The following ZNF469 variants were observed in gnomAD, a reference collection of about 807,000 sequenced individuals.
The protein encoded by ZNF469 is zinc finger protein 469.
ZNF469 carries 1 observed loss-of-function variant against 1.0 expected under a neutral mutation model. The observed-to-expected ratio is 1.00, with a 90% confidence interval of 0.35 to 4.73. The LOEUF is 4.73. Among genes scored for constraint, ZNF469 ranks in the 30% most tolerant of loss-of-function variants. ZNF469 has a pLI of 0.16. For missense variants in ZNF469, 6,100 were observed against 5,356.3 expected, an observed-to-expected ratio of 1.14 and a Z score of -4.33; for synonymous variants, 2,703 against 2,363.4, an observed-to-expected ratio of 1.14 and a Z score of -4.17.
chr16:88,134,511 C>T, the ZNF469 span, among the ~76,000 whole-genome samples: 1 of 152,244 alleles, frequency 6.6e-6, no homozygotes, highest in African/African-American at 2.4e-5. Flanking sequence ...TGCATGTCTC[C>T]ACTTATCCAT....
chr16:88,222,963 A>G, the ZNF469 span, among the ~76,000 whole-genome samples: 1 of 152,332 alleles, frequency 6.6e-6, no homozygotes, highest in East Asian at 1.9e-4. Context: ...GTTCCATGCT[A>G]GAGGAAGTCA....
At chr16:88,313,323 T>C in the ZNF469 span, among the ~76,000 whole-genome samples, 2 of 152,258 alleles carry the variant, frequency 1.3e-5, no homozygotes, top group Non-Finnish European at 1.5e-5. Flanking sequence ...TATGTAATCA[T>C]ATCAACTAAA....
At chr16:88,349,827 CGAGG>C in the ZNF469 span, among the ~76,000 whole-genome samples, 1 of 145,376 alleles carries the variant, frequency 6.9e-6, no homozygotes, top group Non-Finnish European at 1.5e-5. Context: ...TGCACACACA[CGAGG>C]CACCATACAC....
chr16:88,272,907 C>T, the ZNF469 span, among the ~76,000 whole-genome samples: 7 of 138,880 alleles, frequency 5.0e-5, no homozygotes, highest in South Asian at 7.1e-4. Context: ...GGTGGATGAA[C>T]GGGTGGGTGT....
At chr16:88,364,181 A>T in the ZNF469 span, among the ~76,000 whole-genome samples, 1 of 152,200 alleles carries the variant, frequency 6.6e-6, no homozygotes, top group Non-Finnish European at 1.5e-5. Context: ...TTCAACATTC[A>T]GTACTCAGTT....
chr16:88,120,831 G>A, the ZNF469 span, among the ~76,000 whole-genome samples: 2 of 152,184 alleles, frequency 1.3e-5, no homozygotes, highest in Non-Finnish European at 2.9e-5. Context: ...GTCGAGGGCA[G>A]TTAGAATCCA....
At chr16:88,330,285 C>A in the ZNF469 span, among the ~76,000 whole-genome samples, 2 of 152,198 alleles carry the variant, frequency 1.3e-5, no homozygotes, top group Admixed American at 1.3e-4. Flanking sequence ...TGTGCACATG[C>A]GAAGGCCCTT....
At chr16:88,414,249 G>A in intron 1 of ZNF469, among the ~76,000 whole-genome samples, 1 of 152,344 alleles carries the variant, frequency 6.6e-6, no homozygotes, top group East Asian at 1.9e-4. Context: ...CGGGCCTCCA[G>A]GTCGGACACG....
At chr16:88,132,043 C>T in the ZNF469 span, among the ~76,000 whole-genome samples, 3 of 152,234 alleles carry the variant, frequency 2.0e-5, no homozygotes, top group Non-Finnish European at 4.4e-5. Context: ...CACTCCCAGC[C>T]TCTCCATCGG....
the ZNF469 span, chr16:88,178,774 A>G: frequency 1.6e-4 from 25 of 152,124 alleles, 1 homozygote; most frequent in Admixed American, 1.6e-3. Context: ...AGAGAGACAC[A>G]GTCACTCACT....
chr16:88,322,839 C>T, the ZNF469 span, among the ~76,000 whole-genome samples: 1 of 152,182 alleles, frequency 6.6e-6, no homozygotes, highest in African/African-American at 2.4e-5. Flanking sequence ...ACTTGGGGGC[C>T]AGGTTCAAAT....
chr16:88,189,234 T>C, the ZNF469 span, among the ~76,000 whole-genome samples: 9 of 152,124 alleles, frequency 5.9e-5, no homozygotes, highest in Non-Finnish European at 1.0e-4. This position sits in a 1 kb window ranked among gnomAD's most constrained non-coding sequence, Gnocchi z 4.3. Flanking sequence ...CCCAAATGCA[T>C]GTCTCCAGAT....
the ZNF469 span, among the ~76,000 whole-genome samples, chr16:88,201,207 T>G: frequency 5.3e-5 from 8 of 152,334 alleles, 1 homozygote; most frequent in South Asian, 1.7e-3. The surrounding 1 kb of genome is among the most constrained non-coding windows in gnomAD (Gnocchi z 5.0). Flanking sequence ...GTGAATGCAG[T>G]TCACTGTAGT....
At position 88,438,911 on chromosome 16, in the gene ZNF469, G is replaced by T. The variant is rs888090044; in HGVS notation, c.11441G>T (p.Ser3814Ile). The change falls in exon 3 of 3, where the codon AGT becomes ATT. Residue 3814 changes from serine to isoleucine, a missense_variant. Ser to Ile is a moderately radical substitution (Grantham distance 142). Coordinates refer to ENST00000565624, the MANE Select transcript of ZNF469 (RefSeq NM_001367624.2). ...SLGPKEKGES[S>I]TKRKKGQVPG... ...GGTCCCAAGGAGAAGGGAGAGAGCAGTACGAAGAGGAAAAAGGGCCAGGTC... is the reference window on the plus strand; with the variant it reads ...GGTCCCAAGGAGAAGGGAGAGAGCATTACGAAGAGGAAAAAGGGCCAGGTC... 1 of 1,550,592 alleles carries T rather than the reference G, an allele frequency of 6.4e-7. No individual in the cohort carries two copies.
the ZNF469 span, among the ~76,000 whole-genome samples, chr16:88,203,165 C>T: frequency 6.6e-6 from 1 of 152,114 alleles, no homozygotes; most frequent in Non-Finnish European, 1.5e-5. Flanking sequence ...AAGGGCGAGT[C>T]CGGAGCATCC....
upstream of ZNF469, among the ~76,000 whole-genome samples, chr16:88,381,813 A>G (rs1032079537): frequency 6.6e-5 from 10 of 152,196 alleles, no homozygotes; most frequent in African/African-American, 2.2e-4. Flanking sequence ...CTTTTAGTTT[A>G]TTCTATACCG....
intron 1 of ZNF469, among the ~76,000 whole-genome samples, chr16:88,399,208 G>C (rs1055310501): frequency 1.3e-5 from 2 of 152,214 alleles, no homozygotes; most frequent in African/African-American, 4.8e-5. Context: ...GTCATCTGAG[G>C]CTGGGCCTGG....
chr16:88,428,947 C>T lies in ZNF469; in HGVS notation c.1477C>T (p.Pro493Ser). 3 of 1,547,462 alleles carry T rather than the reference C, an allele frequency of 1.9e-6. No homozygotes were observed. Among genetic ancestry groups the T allele is most frequent in the Non-Finnish European group, 2.6e-6 (3 of 1,146,064 alleles). Residue 493 changes from proline to serine, a missense_variant, in exon 3 of 3, where the codon CCA (proline) becomes TCA (serine). Pro to Ser is a moderately conservative substitution (Grantham distance 74). Transcript: ENST00000565624. ...GCCCCAAGTGCTCCCGACCGCCCGG[C>T]CAAGTCCCCACGGAATGGAGATGCT... ...PWPQVLPTAR[P>S]SPHGMEMLSR...
chr16:88,231,385 G>T, the ZNF469 span, among the ~76,000 whole-genome samples: 1 of 152,246 alleles, frequency 6.6e-6, no homozygotes, highest in South Asian at 2.1e-4. The surrounding 1 kb of genome is among the most constrained non-coding windows in gnomAD (Gnocchi z 4.5). Context: ...GGGTGGGACT[G>T]GGGTGGTGTC....
Sources: allele counts gnomAD v4.1 joint callset (sites outside exome capture counted in the v4.1 genomes callset), GRCh38; gene constraint gnomAD v4.1.1; non-coding constraint Gnocchi (gnomAD v3.1); transcripts MANE v1.5; gene names NCBI Gene and HGNC (gene_info 2026-07-23, HGNC 2026-07-21).